PCNX1: variants seen among roughly 807,000 people sequenced by gnomAD.
The protein encoded by PCNX1 is pecanex 1.
Under a neutral mutation model 242.2 loss-of-function variants are expected in PCNX1, and 78 were observed. The observed-to-expected ratio is 0.32, with a 90% confidence interval of 0.27 to 0.39. The LOEUF (loss-of-function observed/expected upper bound fraction) is 0.39. Among genes scored for constraint, PCNX1 ranks in the 10% least tolerant of loss-of-function variants. The pLI is 1.00. For synonymous variants in PCNX1, 1,024 were observed against 1,032.9 expected, an observed-to-expected ratio of 0.99 and a Z score of 0.17; for missense variants, 2,581 against 2,856.5, an observed-to-expected ratio of 0.90 and a Z score of 2.20.
chr14:71,013,094 C>G lies in PCNX1; in HGVS notation c.2888C>G (p.Thr963Arg). The G allele has an allele frequency of 6.2e-7, 1 of 1,614,112 alleles. No individual in the cohort carries two copies. The highest frequency in any genetic ancestry group is 8.5e-7 in the Non-Finnish European group (1 of 1,179,986). Residue 963 changes from threonine (T) to arginine (R), a missense_variant, in exon 11 of 36, where the codon ACA becomes AGA. This residue lies in a region of PCNX1 where 1,204 missense variants were observed against 1,216.7 expected (regional missense o/e 0.99). Transcript: ENST00000304743. ...SPDLAATYGPTEEAAQKVKHY... is the reference protein window; with the variant it reads ...SPDLAATYGPREEAAQKVKHY... ...GACTTGGCAGCTACTTACGGCCCAA[C>G]AGAAGAAGCTGCCCAAAAGGTTAAA...
chr14:70,957,474 G>A (rs1246425423), intron 2 of PCNX1, among the ~76,000 whole-genome samples: 2 of 152,118 alleles, frequency 1.3e-5, no homozygotes, highest in Non-Finnish European at 2.9e-5. Flanking sequence ...TGCATGCTAC[G>A]ACGTGGATGA....
At chr14:70,993,253 T>C (rs1001254198) in intron 7 of PCNX1, among the ~76,000 whole-genome samples, 1 of 151,564 alleles carries the variant, frequency 6.6e-6, no homozygotes. Flanking sequence ...CCCTAGTAGC[T>C]GGGATTACAG....
At position 71,110,891 on chromosome 14, in the gene PCNX1, A is replaced by T. The variant is rs958611522; in HGVS notation, c.*956A>T. On this transcript the variant is annotated 3_prime_UTR_variant, in exon 36 of 36. Transcript: ENST00000304743. ...AAGAAAACAATTTTCTTTAAGAAGA[A>T]GATGAATGTCCAGGAATTTAAAGAA... is the stretch of plus-strand genomic sequence containing the variant. 2.0e-5 allele frequency: 3 copies of T among 152,656 alleles called. No homozygotes were observed. Among genetic ancestry groups the T allele is most frequent in the African/African-American group, 4.8e-5 (2 of 41,456 alleles). 9.5% of individuals were successfully genotyped at this position (152,656 alleles called of 1,614,324 possible).
chr14:71,109,726 AG>A, intron 35 of PCNX1, 68 bp from the exon 36 acceptor site: 1 of 1,568,464 alleles, frequency 6.4e-7, no homozygotes, highest in East Asian at 2.2e-5. Flanking sequence ...AATCCTAGGT[AG>A]GGGTAAGAGT....
chr14:70,979,490 T>C (rs1362777660), intron 6 of PCNX1, among the ~76,000 whole-genome samples: 5 of 152,178 alleles, frequency 3.3e-5, no homozygotes, highest in Admixed American at 3.3e-4. Context: ...CTGGTTTTTA[T>C]GGAATCTGCT....
chr14:71,041,622 A>G (rs2141045473), intron 19 of PCNX1, among the ~76,000 whole-genome samples: 1 of 151,984 alleles, frequency 6.6e-6, no homozygotes, highest in African/African-American at 2.4e-5. Flanking sequence ...AATTTTATTT[A>G]TCTTTTCAAA....
At chr14:71,033,337 C>A in intron 16 of PCNX1, 92 bp from the exon 17 acceptor site, 1 of 617,210 alleles carries the variant, frequency 1.6e-6, no homozygotes, top group Non-Finnish European at 2.8e-6. Flanking sequence ...AATTTAAGTT[C>A]GTTGTCTTTT....
chr14:70,987,251 G>T (rs984215111), intron 6 of PCNX1, among the ~76,000 whole-genome samples: 4 of 152,208 alleles, frequency 2.6e-5, no homozygotes, highest in Non-Finnish European at 4.4e-5. Context: ...AACTTTGTGT[G>T]ATGATGGAAA....
In PCNX1 at chr14:71,108,945, G is replaced by T. The variant is rs1217951438; in HGVS notation, c.6643G>T (p.Glu2215Ter). The change falls in exon 34 of 36, where the codon GAG (glutamate) becomes TAG (stop). Residue 2215 changes from glutamate (E) to a stop codon, truncating the protein, a stop_gained. Coordinates refer to ENST00000304743, the MANE Select transcript of PCNX1 (RefSeq NM_014982.3). LOFTEE classifies it high-confidence loss of function. Reference protein sequence around the residue: ...HHTLVGFLATEGGQSSATDAQ... With the variant: ...HHTLVGFLAT ...CACTCTCGTGGGCTTTCTTGCGACAGAGGGAGGTCAGAGCAGTGCCACTGA... is the reference window on the plus strand; with the variant it reads ...CACTCTCGTGGGCTTTCTTGCGACATAGGGAGGTCAGAGCAGTGCCACTGA... The T allele has an allele frequency of 6.2e-7, 1 of 1,614,234 alleles. No homozygotes were observed. Among genetic ancestry groups the T allele is most frequent in the Admixed American group, 1.7e-5 (1 of 60,030 alleles).
chr14:70,977,338 G>A lies in PCNX1; in HGVS notation c.1001G>A (p.Gly334Asp), dbSNP rs780232682. The change falls in exon 6 of 36, where the codon GGT (glycine) becomes GAT (aspartate). Residue 334 changes from glycine to aspartate, a missense_variant. Transcript: ENST00000304743. ...GSKESLVENS[G>D]LSGEFQLAGD... Reference sequence around the variant, plus strand: ...AAAGAATCCTTGGTGGAAAATTCTGGTTTATCTGGGGAATTTCAGCTTGCT... The same window carrying A: ...AAAGAATCCTTGGTGGAAAATTCTGATTTATCTGGGGAATTTCAGCTTGCT... 7 of 1,614,128 alleles carry A rather than the reference G, an allele frequency of 4.3e-6. No homozygotes were observed. The South Asian group carries it at 6.6e-5, about 15-fold the overall frequency.
At chr14:70,976,029 G>T (rs529667742) in intron 5 of PCNX1, among the ~76,000 whole-genome samples, 168 of 152,044 alleles carry the variant, frequency 1.1e-3, no homozygotes, top group African/African-American at 4.0e-3. Flanking sequence ...TTTAGGCATT[G>T]GTCAGCCTAT....
chr14:71,020,220 G>T (rs1036371839), intron 12 of PCNX1, among the ~76,000 whole-genome samples: 37 of 152,134 alleles, frequency 2.4e-4, no homozygotes, highest in African/African-American at 8.9e-4. Flanking sequence ...CTTTGCTATT[G>T]TGAACAGTGC....
chr14:70,988,545 A>T (rs991533862), intron 6 of PCNX1, 22 bp from the exon 7 acceptor site: 1 of 1,611,864 alleles, frequency 6.2e-7, no homozygotes, highest in Non-Finnish European at 8.5e-7. Flanking sequence ...CTCTTGTTTG[A>T]CCTAAGTCTG....
At chr14:70,925,568 C>CTTTTTTTTTTTTT in intron 1 of PCNX1, among the ~76,000 whole-genome samples, 1 of 106,954 alleles carries the variant, frequency 9.3e-6, no homozygotes, top group Non-Finnish European at 1.9e-5. Context: ...CTTACCTCAT[C>CTTTTTTTTTTTTT]TTTTTTTTTT....
At chr14:71,079,065 G>T (rs2061787055) in intron 28 of PCNX1, among the ~76,000 whole-genome samples, 1 of 152,064 alleles carries the variant, frequency 6.6e-6, no homozygotes, top group South Asian at 2.1e-4. Context: ...TGTTCTCATT[G>T]TTCAACTCCC....
At chr14:70,908,561 C>G (rs966590308) in intron 1 of PCNX1, among the ~76,000 whole-genome samples, 2 of 152,214 alleles carry the variant, frequency 1.3e-5, no homozygotes, top group African/African-American at 2.4e-5. Context: ...GGGGGTCGTC[C>G]GGGCTCGTCC....
chr14:70,964,308 C>T (rs2058312871), intron 3 of PCNX1, among the ~76,000 whole-genome samples: 1 of 152,154 alleles, frequency 6.6e-6, no homozygotes, highest in African/African-American at 2.4e-5. Flanking sequence ...CTCAGGTGGT[C>T]TGCCCACCTC....
Position 71,110,027 on chromosome 14 carries a change from C to T in PCNX1, c.*92C>T, listed in dbSNP as rs1218093313. The T allele has an allele frequency of 1.3e-5, 15 of 1,123,156 alleles. No homozygotes were observed. Among genetic ancestry groups the T allele is most frequent in the Non-Finnish European group, 2.0e-5 (15 of 739,496 alleles). 69.6% of individuals were successfully genotyped at this position (1,123,156 alleles called of 1,614,324 possible). A position where few individuals can be genotyped will look rare whatever the true frequency, so the allele number is the denominator to read the frequency against. On this transcript the variant is annotated 3_prime_UTR_variant, in exon 36 of 36. Coordinates refer to ENST00000304743, the MANE Select transcript of PCNX1 (RefSeq NM_014982.3). ...ACAAGCAGAAGATGCCTGCAGGTAT[C>T]ACTTTGATCCTATGTGGGAGCGACT... is the stretch of plus-strand genomic sequence containing the variant.
chr14:71,002,425 A>T (rs2059532781), intron 8 of PCNX1, among the ~76,000 whole-genome samples: 1 of 152,150 alleles, frequency 6.6e-6, no homozygotes, highest in African/African-American at 2.4e-5. Flanking sequence ...CAATTCAAGG[A>T]GTTTTAACAG....
Sources: gnomAD v4.1 joint callset for allele counts (sites outside exome capture counted in the v4.1 genomes callset) on GRCh38, gnomAD v4.1.1 for gene constraint, gnomAD v4.1.1 regional missense constraint, MANE v1.5 for transcripts, NCBI Gene and HGNC (gene_info 2026-07-23, HGNC 2026-07-21) for gene names.